GRID1: variants seen among roughly 807,000 people sequenced by gnomAD.
GRID1 encodes the protein glutamate receptor ionotropic, delta-1.
A neutral mutation model predicts 98.0 loss-of-function variants in GRID1; 28 were observed. The ratio of observed to expected loss-of-function variants is 0.29; its 90% CI spans 0.21 to 0.39. GRID1 has a LOEUF of 0.39. Ranked by LOEUF, GRID1 falls within the 10% of genes least tolerant of loss-of-function variation. The pLI is 1.00. For missense variants in GRID1, 1,111 were observed against 1,340.5 expected (o/e 0.83, Z 2.67); for synonymous variants, 553 against 538.5 (o/e 1.03, Z -0.37).
chr10:85,903,436 T>C (rs1193802541), intron 5 of GRID1, among the ~76,000 whole-genome samples: 1 of 152,134 alleles, frequency 6.6e-6, no homozygotes, highest in Non-Finnish European at 1.5e-5. Context: ...ACCTCCTCCA[T>C]ACTACCCCAT....
At chr10:85,615,859 T>C (rs1046277681) in intron 14 of GRID1, among the ~76,000 whole-genome samples, 6 of 152,212 alleles carry the variant, frequency 3.9e-5, no homozygotes, top group African/African-American at 9.6e-5. Context: ...AGGCAGGACC[T>C]CAGGGCCTTT....
At chr10:85,955,574 C>T (rs1842178392) in intron 4 of GRID1, among the ~76,000 whole-genome samples, 1 of 152,134 alleles carries the variant, frequency 6.6e-6, no homozygotes, top group Admixed American at 6.5e-5. Flanking sequence ...AGATGTAGGG[C>T]ATGTTGAAGG....
At position 85,803,352 on chromosome 10, in the gene GRID1, T is replaced by C. The variant is rs555890621; in HGVS notation, c.1233+51144A>G. 1.1e-4 allele frequency among the ~76,000 whole-genome samples: 17 copies of C among 152,210 alleles called. No individual in the cohort carries two copies. In the South Asian group the frequency reaches 2.9e-3, roughly 26 times the overall value. On this transcript the variant is annotated intron_variant, in intron 8 of 15. Coordinates refer to ENST00000327946, the MANE Select transcript of GRID1 (RefSeq NM_017551.3). The stretch of plus-strand genomic sequence containing the variant: ...ACATCTCATGTATCCTATAAATATA[T>C]ACACCTATTATGTACCCACTAAAAA...
At chr10:86,146,533 A>G (rs1007373476) in intron 3 of GRID1, among the ~76,000 whole-genome samples, 2 of 152,146 alleles carry the variant, frequency 1.3e-5, no homozygotes, top group East Asian at 1.9e-4. Context: ...TGTGGCTCCA[A>G]TCACAGGGAT....
intron 12 of GRID1, among the ~76,000 whole-genome samples, chr10:85,671,603 T>C (rs926188358): frequency 2.6e-5 from 4 of 152,114 alleles, no homozygotes; most frequent in Admixed American, 1.3e-4. Flanking sequence ...ATATTGAAAT[T>C]AGGTGATTAA....
intron 8 of GRID1, among the ~76,000 whole-genome samples, chr10:85,756,559 T>G (rs1451686534): frequency 6.6e-6 from 1 of 152,222 alleles, no homozygotes; most frequent in Non-Finnish European, 1.5e-5. Context: ...GTGAATACGC[T>G]GGACAAAGGG....
chr10:86,117,656 A>T (rs1844604290), intron 4 of GRID1, among the ~76,000 whole-genome samples: 1 of 152,202 alleles, frequency 6.6e-6, no homozygotes. Flanking sequence ...CTCACAGATC[A>T]CAACTAATTT....
At chr10:86,136,654 G>T (rs936980900) in intron 4 of GRID1, among the ~76,000 whole-genome samples, 2 of 152,206 alleles carry the variant, frequency 1.3e-5, no homozygotes, top group Admixed American at 1.3e-4. Context: ...CTAATGACAG[G>T]CGCATGAGAA....
At position 86,103,667 on chromosome 10, in the gene GRID1, G is replaced by A. The variant is rs551232045; in HGVS notation, c.726+35152C>T. ...TCCCCTTCATTCCACAGCATCTCAC[G>A]TTCTGCTCCAGCCATGGCTCTTAAA... On this transcript the variant is annotated intron_variant, in intron 4 of 15. Coordinates refer to ENST00000327946, the MANE Select transcript of GRID1 (RefSeq NM_017551.3). Among the ~76,000 whole-genome samples, 37 of 152,310 alleles carry A rather than the reference G, an allele frequency of 2.4e-4. No individual in the cohort carries two copies. The East Asian group carries it at 6.4e-3, about 26-fold the overall frequency.
At chr10:85,654,385 A>C (rs1840869941) in intron 12 of GRID1, among the ~76,000 whole-genome samples, 1 of 152,250 alleles carries the variant, frequency 6.6e-6, no homozygotes, top group Non-Finnish European at 1.5e-5. Flanking sequence ...ATAAGCAGTG[A>C]ATGCCTGCAA....
At chr10:86,217,917 C>T (rs1266559118) in intron 2 of GRID1, among the ~76,000 whole-genome samples, 1 of 152,100 alleles carries the variant, frequency 6.6e-6, no homozygotes, top group African/African-American at 2.4e-5. Flanking sequence ...CCCTGCAGCC[C>T]CGGGCCACCG....
chr10:86,018,744 C>T (rs762605669), intron 4 of GRID1, among the ~76,000 whole-genome samples: 32 of 152,204 alleles, frequency 2.1e-4, no homozygotes, highest in Non-Finnish European at 4.0e-4. Context: ...GGATCAGCCC[C>T]GCCTTCCAGC....
chr10:85,716,906 T>C (rs979119750), intron 12 of GRID1, among the ~76,000 whole-genome samples: 22 of 152,116 alleles, frequency 1.4e-4, no homozygotes, highest in Admixed American at 1.1e-3. Context: ...AGAGTCAAAC[T>C]CATAGAAGCG....
At chr10:86,317,495 AG>A (rs1483647403) in intron 2 of GRID1, among the ~76,000 whole-genome samples, 2 of 152,344 alleles carry the variant, frequency 1.3e-5, no homozygotes, top group East Asian at 3.9e-4. Flanking sequence ...ACCTGCTGAA[AG>A]TGTGGATTCT....
At chr10:85,715,224 C>T (rs1841625251) in intron 12 of GRID1, among the ~76,000 whole-genome samples, 1 of 152,026 alleles carries the variant, frequency 6.6e-6, no homozygotes, top group African/African-American at 2.4e-5. Flanking sequence ...ACACCATACA[C>T]AAAAATCAAC....
Position 85,728,062 on chromosome 10 carries a change from A to G in GRID1, c.1336-10T>C. On this transcript the variant is annotated splice_polypyrimidine_tract_variant and intron_variant, in intron 9 of 15. Coordinates refer to ENST00000327946, the MANE Select transcript of GRID1 (RefSeq NM_017551.3). ...TCACGAAAGGCTCTTCCTGAGGACA[A>G]CAGAATGAAGGTTCTCCAATTAAAT... 6.3e-7 allele frequency: 1 copy of G among 1,587,736 alleles called. No homozygotes were observed. The highest frequency in any genetic ancestry group is 1.1e-5 in the South Asian group (1 of 90,606).
chr10:85,846,976 A>T (rs1453313193), intron 8 of GRID1, among the ~76,000 whole-genome samples: 1 of 152,238 alleles, frequency 6.6e-6, no homozygotes, highest in Non-Finnish European at 1.5e-5. Flanking sequence ...CAAAAGAATG[A>T]GCAATTTCTT....
intron 4 of GRID1, among the ~76,000 whole-genome samples, chr10:85,962,146 G>A (rs1323353452): frequency 6.6e-6 from 1 of 152,130 alleles, no homozygotes; most frequent in African/African-American, 2.4e-5. Flanking sequence ...TCACTGGTCT[G>A]GGTTTCACTG....
rs183090022 is a variant in GRID1 at position 85,678,233 on chromosome 10, C to G, written c.1998-30836G>C. On this transcript the variant is annotated intron_variant, in intron 12 of 15. Coordinates refer to ENST00000327946, the MANE Select transcript of GRID1 (RefSeq NM_017551.3). Reference sequence around the variant, plus strand: ...GGAGGAAAGGGGAATGATCACCTTCCTGCTCGACAAGGTGCCCCAGGAGAA... The same window carrying G: ...GGAGGAAAGGGGAATGATCACCTTCGTGCTCGACAAGGTGCCCCAGGAGAA... Among the ~76,000 whole-genome samples, 35 of 152,258 alleles carry G rather than the reference C, an allele frequency of 2.3e-4. No homozygotes were observed. In the East Asian group the frequency reaches 6.4e-3, roughly 28 times the overall value.
Sources: gnomAD v4.1 joint callset for allele counts (sites outside exome capture counted in the v4.1 genomes callset) on GRCh38, gnomAD v4.1.1 for gene constraint, MANE v1.5 for transcripts, NCBI Gene and HGNC (gene_info 2026-07-23, HGNC 2026-07-21) for gene names.